IMPG1: variants seen among roughly 807,000 people sequenced by gnomAD.
IMPG1 encodes interphotoreceptor matrix proteoglycan 1, also known as interphotoreceptor matrix proteoglycan of 150 kDa.
Under a neutral mutation model 92.0 loss-of-function variants are expected in IMPG1, and 85 were observed. The observed-to-expected ratio is 0.92, with a 90% CI of 0.78 to 1.11. The LOEUF is 1.11. Ranked by LOEUF, IMPG1 falls within the 50% of genes least tolerant of loss-of-function variation. The probability of loss-of-function intolerance (pLI) is 0.00; values close to 1 mark genes in which losing one functional copy is unlikely to be tolerated. For synonymous variants in IMPG1, 367 were observed against 334.1 expected (o/e 1.10, Z -1.08); for missense variants, 1,022 against 956.0 (o/e 1.07, Z -0.91).
At chr6:76,023,468 A>G (rs1417087824) in intron 5 of IMPG1, among the ~76,000 whole-genome samples, 1 of 152,214 alleles carries the variant, frequency 6.6e-6, no homozygotes, top group Non-Finnish European at 1.5e-5. Context: ...TTATTCACAT[A>G]CTTACACCTA....
At chr6:76,025,293 G>T in intron 4 of IMPG1, 35 bp from the exon 5 acceptor site, 1 of 1,212,986 alleles carries the variant, frequency 8.2e-7, no homozygotes, top group Non-Finnish European at 1.2e-6. Context: ...AAGAGGTGGT[G>T]AAAGAGAACT....
chr6:76,034,576 C>T lies in IMPG1; in HGVS notation c.468+45G>A, dbSNP rs113026919. ...AGGCCTAGGGGCTGGAGCCTGGGAA[C>T]TGTTCGTGCAGTGTTCCAAATAACC... On this transcript the variant is annotated intron_variant, in intron 3 of 16. Coordinates refer to ENST00000369950, the MANE Select transcript of IMPG1 (RefSeq NM_001563.4). 2.7e-5 allele frequency: 43 copies of T among 1,595,408 alleles called. No homozygotes were observed. In the Admixed American group the frequency reaches 7.0e-4, roughly 26 times the overall value.
chr6:76,027,068 T>G (rs1783554393), intron 4 of IMPG1, among the ~76,000 whole-genome samples: 1 of 152,220 alleles, frequency 6.6e-6, no homozygotes, highest in Non-Finnish European at 1.5e-5. Context: ...AGACAAGCAC[T>G]TGGATCTAAT....
rs139376426 is a variant in IMPG1 at position 75,974,258 on chromosome 6, CTT to C, written c.1292-23166_1292-23165del. On this transcript the variant is annotated intron_variant, in intron 12 of 16. Coordinates refer to ENST00000369950, the MANE Select transcript of IMPG1 (RefSeq NM_001563.4). ...TTTTTAATGAGGACTTTCTTTCTTT[CTT>C]TCTCTCTCTTTCTTTCTCTCTCTTC... Among the ~76,000 whole-genome samples the C allele has an allele frequency of 5.8e-3, 879 of 151,660 alleles. 36 individuals are homozygous for C. In the East Asian group the frequency reaches 0.095, roughly 16 times the overall value.
chr6:75,924,533 TATAATTATATA>T (rs2149447413), intron 15 of IMPG1, among the ~76,000 whole-genome samples: 1 of 66,384 alleles, frequency 1.5e-5, no homozygotes, highest in African/African-American at 5.9e-5. Flanking sequence ...TATATTATAA[TATAATTATATA>T]ATATAATTAA....
intron 12 of IMPG1, among the ~76,000 whole-genome samples, chr6:75,978,445 T>C (rs1782573763): frequency 6.6e-6 from 1 of 152,202 alleles, no homozygotes; most frequent in African/African-American, 2.4e-5. Context: ...TATCTATTAA[T>C]GCCCCTCTGA....
chr6:75,965,678 G>T (rs571490088), intron 12 of IMPG1, among the ~76,000 whole-genome samples: 1 of 132,372 alleles, frequency 7.6e-6, no homozygotes, highest in East Asian at 2.2e-4. Context: ...GGCCGGTCTT[G>T]GCTTACTGCA....
At chr6:76,023,299 A>G (rs1297461447) in intron 5 of IMPG1, among the ~76,000 whole-genome samples, 1 of 152,218 alleles carries the variant, frequency 6.6e-6, no homozygotes, top group African/African-American at 2.4e-5. Flanking sequence ...GGACTTCATC[A>G]GACTATTACC....
chr6:76,050,568 G>A (rs1336940850), intron 1 of IMPG1, among the ~76,000 whole-genome samples: 1 of 152,168 alleles, frequency 6.6e-6, no homozygotes, highest in Non-Finnish European at 1.5e-5. Context: ...ATGTTGACTG[G>A]CATCCCTGAA....
rs138573517 is a variant in IMPG1 at position 76,052,965 on chromosome 6, T to C, written c.68-10839A>G. ...TCAGGGGCTGACACAAATAAACCAG[T>C]CCTTTCTCCTGCAGCTGGACTTTTC... On this transcript the variant is annotated intron_variant, in intron 1 of 16. Transcript: ENST00000369950. 3.9e-3 allele frequency among the ~76,000 whole-genome samples: 593 copies of C among 152,222 alleles called. 5 individuals are homozygous for C. The highest frequency in any genetic ancestry group is 0.013 in the African/African-American group (534 of 41,538).
At chr6:75,963,699 A>C (rs530270288) in intron 12 of IMPG1, among the ~76,000 whole-genome samples, 1 of 152,326 alleles carries the variant, frequency 6.6e-6, no homozygotes. Context: ...ACTTTGTGGC[A>C]TTTTTAACTT....
At chr6:75,942,474 A>C (rs1449038969) in intron 14 of IMPG1, among the ~76,000 whole-genome samples, 2 of 152,198 alleles carry the variant, frequency 1.3e-5, no homozygotes, top group Non-Finnish European at 2.9e-5. Flanking sequence ...GTATCAGCCC[A>C]AGCCTTCTGT....
chr6:75,966,520 G>C (rs905625672), intron 12 of IMPG1, among the ~76,000 whole-genome samples: 1 of 152,020 alleles, frequency 6.6e-6, no homozygotes, highest in African/African-American at 2.4e-5. Flanking sequence ...CAGCCCAAAG[G>C]CCCTCACCAG....
intron 1 of IMPG1, among the ~76,000 whole-genome samples, chr6:76,066,252 T>C (rs1002650586): frequency 7.2e-5 from 11 of 152,100 alleles, no homozygotes; most frequent in African/African-American, 2.7e-4. Flanking sequence ...GTGAATTAAA[T>C]GCTCCACTTA....
intron 6 of IMPG1, among the ~76,000 whole-genome samples, chr6:76,021,239 A>T (rs1374265842): frequency 6.6e-6 from 1 of 152,174 alleles, no homozygotes; most frequent in Non-Finnish European, 1.5e-5. Context: ...AAATTTACCT[A>T]TAGCCTGGAA....
At chr6:75,929,481 T>C (rs1316644475) in intron 15 of IMPG1, among the ~76,000 whole-genome samples, 1 of 136,146 alleles carries the variant, frequency 7.3e-6, no homozygotes, top group African/African-American at 2.8e-5. Flanking sequence ...CATGTTCTCA[T>C]AGGTGGGAAT....
At chr6:76,005,913 T>C (rs1783088581) in intron 9 of IMPG1, among the ~76,000 whole-genome samples, 1 of 151,938 alleles carries the variant, frequency 6.6e-6, no homozygotes, top group African/African-American at 2.4e-5. Context: ...CATGGCTCAC[T>C]GTAGCCTTGA....
chr6:75,933,941 TAGTA>T (rs1365281989), intron 14 of IMPG1, among the ~76,000 whole-genome samples: 2 of 152,262 alleles, frequency 1.3e-5, no homozygotes, highest in African/African-American at 4.8e-5. Flanking sequence ...CCATTTTAGC[TAGTA>T]AGTATGATCC....
chr6:75,948,526 C>T (rs1410971877), intron 13 of IMPG1, among the ~76,000 whole-genome samples: 1 of 152,170 alleles, frequency 6.6e-6, no homozygotes, highest in African/African-American at 2.4e-5. Context: ...ACTTCCCTCA[C>T]AAGGTTTTTG....
Sources: gnomAD v4.1 joint callset for allele counts (sites outside exome capture counted in the v4.1 genomes callset) on GRCh38, gnomAD v4.1.1 for gene constraint, MANE v1.5 for transcripts, NCBI Gene and HGNC (gene_info 2026-07-23, HGNC 2026-07-21) for gene names.